RNF214: variants seen among roughly 807,000 people sequenced by gnomAD.
RNF214 encodes the protein ring finger protein 214.
In RNF214, 25 loss-of-function variants were observed where a neutral mutation model predicts 75.9. The observed-to-expected ratio is 0.33, with a 90% CI of 0.24 to 0.46. The LOEUF is 0.46. Among genes scored for constraint, RNF214 ranks in the 20% least tolerant of loss-of-function variants. RNF214 has a pLI of 1.00. For synonymous variants in RNF214, 314 were observed against 308.8 expected, an observed-to-expected ratio of 1.02 and a Z score of -0.18; for missense variants, 725 against 857.5, an observed-to-expected ratio of 0.85 and a Z score of 1.93.
chr11:117,251,612 G>C (rs1348393565), intron 6 of RNF214, among the ~76,000 whole-genome samples: 1 of 152,048 alleles, frequency 6.6e-6, no homozygotes, highest in East Asian at 1.9e-4. Context: ...TGAAATTTTC[G>C]AAGAAAAAGT....
intron 6 of RNF214, among the ~76,000 whole-genome samples, chr11:117,257,793 C>T (rs1203932122): frequency 6.6e-6 from 1 of 152,168 alleles, no homozygotes; most frequent in East Asian, 1.9e-4. Context: ...GTATTAGAAT[C>T]TGCAGGGAAA....
intron 6 of RNF214, among the ~76,000 whole-genome samples, chr11:117,257,083 T>G (rs747760660): frequency 6.6e-6 from 1 of 152,158 alleles, no homozygotes; most frequent in Non-Finnish European, 1.5e-5. Context: ...ATGCCTATAA[T>G]CCCAGCTCTT....
At chr11:117,267,858 G>A (rs1464619794) in intron 6 of RNF214, among the ~76,000 whole-genome samples, 2 of 152,094 alleles carry the variant, frequency 1.3e-5, no homozygotes, top group African/African-American at 2.4e-5. Context: ...GACCACTGTT[G>A]GGGAAATACA....
chr11:117,242,884 T>A (rs1455883017), intron 4 of RNF214, among the ~76,000 whole-genome samples: 1 of 152,186 alleles, frequency 6.6e-6, no homozygotes, highest in African/African-American at 2.4e-5. Context: ...TTTCAACTTT[T>A]CTTTGGTTAA....
Position 117,239,844 on chromosome 11 carries a change from A to T in RNF214, c.662A>T (p.Asp221Val). 1 of 1,556,260 alleles carries T rather than the reference A, an allele frequency of 6.4e-7. No individual in the cohort carries two copies. The change falls in exon 4 of 15, where the codon GAT becomes GTT. Residue 221 changes from aspartate (D) to valine (V), a missense_variant. This residue lies in a region of RNF214 where 362 missense variants were observed against 344.5 expected (regional missense o/e 1.05). Transcript: ENST00000300650. ...TADSEVNTDQ[D>V]IEKNLDKMMT... Reference sequence around the variant, plus strand: ...GATTCAGAGGTAAACACAGATCAAGATATTGAAAAGAATTTGGTAAGTATT... The same window carrying T: ...GATTCAGAGGTAAACACAGATCAAGTTATTGAAAAGAATTTGGTAAGTATT...
chr11:117,272,197 A>G (rs1352545146), intron 6 of RNF214, among the ~76,000 whole-genome samples: 1 of 152,196 alleles, frequency 6.6e-6, no homozygotes, highest in East Asian at 1.9e-4. Flanking sequence ...ACTGTACTCC[A>G]GCCTGGGTAA....
intron 6 of RNF214, among the ~76,000 whole-genome samples, chr11:117,256,639 A>AG (rs1319375388): frequency 6.6e-5 from 10 of 152,180 alleles, no homozygotes; most frequent in Non-Finnish European, 1.5e-4. Flanking sequence ...CTTACATGGT[A>AG]GCCCAGAGCT....
chr11:117,273,078 T>A (rs946134282), intron 6 of RNF214, among the ~76,000 whole-genome samples: 1 of 152,174 alleles, frequency 6.6e-6, no homozygotes, highest in South Asian at 2.1e-4. Flanking sequence ...AATAATAATA[T>A]TGTTTACATT....
At chr11:117,233,168 C>T (rs2032774038) in intron 1 of RNF214, among the ~76,000 whole-genome samples, 1 of 152,244 alleles carries the variant, frequency 6.6e-6, no homozygotes, top group African/African-American at 2.4e-5. Flanking sequence ...GCGCCACGGG[C>T]TCTCTAGCCA....
At chr11:117,283,747 A>G (rs931921155) in intron 14 of RNF214, among the ~76,000 whole-genome samples, 32 of 152,166 alleles carry the variant, frequency 2.1e-4, no homozygotes, top group African/African-American at 7.2e-4. Context: ...TATAGCCTCA[A>G]TCCCCTAGGC....
intron 6 of RNF214, chr11:117,263,903 T>C: frequency 3.8e-6 from 1 of 263,708 alleles, no homozygotes; most frequent in South Asian, 3.7e-5. Flanking sequence ...TCCTTCAGTT[T>C]AGGAGGACTG....
At chr11:117,233,164 C>T (rs1048398768) in intron 1 of RNF214, among the ~76,000 whole-genome samples, 2 of 152,242 alleles carry the variant, frequency 1.3e-5, no homozygotes, top group Admixed American at 1.3e-4. Flanking sequence ...ACCCGCGCCA[C>T]GGGCTCTCTA....
intron 6 of RNF214, among the ~76,000 whole-genome samples, chr11:117,268,210 T>C (rs1165539926): frequency 1.3e-5 from 2 of 152,242 alleles, no homozygotes; most frequent in East Asian, 3.8e-4. Flanking sequence ...CTGTTCTTAG[T>C]CATATTGTTC....
intron 6 of RNF214, among the ~76,000 whole-genome samples, chr11:117,274,284 G>A (rs1434333277): frequency 1.3e-5 from 2 of 151,802 alleles, no homozygotes; most frequent in Non-Finnish European, 2.9e-5. Flanking sequence ...TAGAATTTGG[G>A]GCCAATATGC....
chr11:117,285,426 G>T lies in RNF214; in HGVS notation c.*275G>T. The stretch of plus-strand genomic sequence containing the variant: ...ATGTTTAGTTTGGCCTTGAAATTAT[G>T]ATATCCCTGCCCAGGGCTGTTTTCA... On this transcript the variant is annotated 3_prime_UTR_variant, in exon 15 of 15. Transcript: ENST00000300650. 2 of 301,670 alleles carry T rather than the reference G, an allele frequency of 6.6e-6. No homozygotes were observed. Among genetic ancestry groups the T allele is most frequent in the Non-Finnish European group, 1.2e-5 (2 of 161,334 alleles). 18.7% of individuals were successfully genotyped at this position (301,670 alleles called of 1,614,324 possible).
rs1430257793 is a variant in RNF214 at position 117,245,669 on chromosome 11, C to T, written c.819+1084C>T. On this transcript the variant is annotated intron_variant, in intron 5 of 14. Transcript: ENST00000300650. ...TCATAGACTTTTAATAAAGAATGTT[C>T]GGATAAATTAGATACATCCATATGT... 5.3e-5 allele frequency among the ~76,000 whole-genome samples: 8 copies of T among 152,030 alleles called. No homozygotes were observed. In the East Asian group the frequency reaches 7.7e-4, roughly 15 times the overall value.
intron 6 of RNF214, among the ~76,000 whole-genome samples, chr11:117,265,915 G>A (rs537322700): frequency 1.2e-4 from 19 of 152,146 alleles, no homozygotes; most frequent in Admixed American, 2.6e-4. Flanking sequence ...TCATTCTGCC[G>A]TTCCTAAGTA....
intron 6 of RNF214, among the ~76,000 whole-genome samples, chr11:117,273,927 T>A (rs1296770693): frequency 6.6e-6 from 1 of 152,162 alleles, no homozygotes; most frequent in East Asian, 1.9e-4. Flanking sequence ...TGAAAGAATA[T>A]CTTAAAGGGA....
chr11:117,235,010 A>G (rs7125990), intron 2 of RNF214, among the ~76,000 whole-genome samples: 15,110 of 152,232 alleles, frequency 0.099, 1,036 homozygotes, highest in African/African-American at 0.18. Flanking sequence ...ATTTGCATAT[A>G]ACCTATGCAT....
Sources: allele counts gnomAD v4.1 joint callset (sites outside exome capture counted in the v4.1 genomes callset), GRCh38; gene constraint gnomAD v4.1.1; regional missense constraint gnomAD v4.1.1; transcripts MANE v1.5; gene names NCBI Gene and HGNC (gene_info 2026-07-23, HGNC 2026-07-21).